The following PTPRN2 variants were observed in gnomAD, a reference collection of about 807,000 sequenced individuals.
PTPRN2 encodes receptor-type tyrosine-protein phosphatase N2.
PTPRN2 carries 74 observed loss-of-function variants against 118.8 expected under a neutral mutation model. The observed-to-expected ratio is 0.62, with a 90% CI of 0.52 to 0.76. The LOEUF (loss-of-function observed/expected upper bound fraction) is 0.76. Ranked by LOEUF, PTPRN2 falls within the 30% of genes least tolerant of loss-of-function variation. The pLI is 0.00. For missense variants in PTPRN2, 1,481 were observed against 1,394.4 expected (o/e 1.06, Z -0.99); for synonymous variants, 641 against 608.0 (o/e 1.05, Z -0.80).
intron 12 of PTPRN2, among the ~76,000 whole-genome samples, chr7:157,843,292 C>G (rs1808567772): frequency 6.6e-6 from 1 of 152,182 alleles, no homozygotes; most frequent in Non-Finnish European, 1.5e-5. Context: ...TAAAACTAAT[C>G]ATGCAATTAA....
At chr7:157,970,637 C>CA (rs1554503307) in intron 11 of PTPRN2, among the ~76,000 whole-genome samples, 2 of 23,404 alleles carry the variant, frequency 8.5e-5, no homozygotes, top group Non-Finnish European at 1.5e-4. Flanking sequence ...TCAGAGCGGA[C>CA]CCCCCCCCCC....
At chr7:158,230,970 G>C (rs1829127331) in intron 3 of PTPRN2, among the ~76,000 whole-genome samples, 1 of 152,138 alleles carries the variant, frequency 6.6e-6, no homozygotes, top group Admixed American at 6.6e-5. Flanking sequence ...GAAAGGAATA[G>C]AAAAATATAT....
At chr7:158,292,766 T>C (rs1211997500) in intron 3 of PTPRN2, among the ~76,000 whole-genome samples, 1 of 152,126 alleles carries the variant, frequency 6.6e-6, no homozygotes, top group African/African-American at 2.4e-5. Context: ...AGTAAAAATA[T>C]GGTATAAAAG....
At chr7:157,589,477 A>C (rs1055273262) in intron 17 of PTPRN2, among the ~76,000 whole-genome samples, 35 of 152,196 alleles carry the variant, frequency 2.3e-4, no homozygotes, top group African/African-American at 3.6e-4. Context: ...GAGAAAGGCT[A>C]TCTGACAGGT....
chr7:158,165,010 C>T (rs1252273485), intron 6 of PTPRN2, among the ~76,000 whole-genome samples: 3 of 152,178 alleles, frequency 2.0e-5, no homozygotes, highest in Non-Finnish European at 2.9e-5. Context: ...TACGAGAGTG[C>T]AGGAGGCAGT....
chr7:157,710,664 C>T (rs1313732825), intron 12 of PTPRN2, among the ~76,000 whole-genome samples: 1 of 152,186 alleles, frequency 6.6e-6, no homozygotes, highest in Non-Finnish European at 1.5e-5. Flanking sequence ...TCTTTAGGGT[C>T]CCTTTCAGCC....
chr7:158,110,847 C>G lies in PTPRN2; in HGVS notation c.1625G>C (p.Ser542Thr). The change falls in exon 10 of 23, where the codon AGT becomes ACT. Residue 542 changes from serine (S) to threonine (T), a missense_variant. Physicochemically the swap from Ser to Thr is moderately conservative, Grantham distance 58. Transcript: ENST00000389418. ...DVARLLQVPS[S>T]AFADVEVLGP... is the part of the protein sequence containing the mutation. ...TACTTACTCCACGTCAGCGAACGCA[C>G]TGCTGGGCACCTGCAGGAGGCGGGC... The G allele has an allele frequency of 6.3e-7, 1 of 1,589,172 alleles. No individual in the cohort carries two copies. The highest frequency in any genetic ancestry group is 8.6e-7 in the Non-Finnish European group (1 of 1,167,340).
chr7:157,890,559 G>A (rs79575868), intron 12 of PTPRN2, among the ~76,000 whole-genome samples: 18,398 of 152,228 alleles, frequency 0.12, 1,148 homozygotes, highest in East Asian at 0.19. Flanking sequence ...GGAGAATGGC[G>A]TGAACCTGGG....
At chr7:158,330,859 G>GTC (rs1563150403) in intron 2 of PTPRN2, among the ~76,000 whole-genome samples, 4 of 100,168 alleles carry the variant, frequency 4.0e-5, no homozygotes, top group African/African-American at 1.1e-4. Flanking sequence ...CATAAGAGCT[G>GTC]ATGCCCGCAG....
intron 12 of PTPRN2, among the ~76,000 whole-genome samples, chr7:157,807,307 G>A (rs965072427): frequency 3.9e-5 from 6 of 152,172 alleles, no homozygotes; most frequent in African/African-American, 7.2e-5. Flanking sequence ...AGGAAATCCC[G>A]GCCCATTGGA....
At chr7:157,971,600 T>C (rs1802336526) in intron 11 of PTPRN2, among the ~76,000 whole-genome samples, 1 of 152,216 alleles carries the variant, frequency 6.6e-6, no homozygotes, top group African/African-American at 2.4e-5. Context: ...CTGAAGCATC[T>C]TGTAAAACTG....
chr7:157,843,191 G>A (rs1808561019), intron 12 of PTPRN2, among the ~76,000 whole-genome samples: 1 of 152,210 alleles, frequency 6.6e-6, no homozygotes, highest in South Asian at 2.1e-4. Context: ...GAGAACCCCT[G>A]CTAGGTGAGA....
rs557617528 is a variant in PTPRN2 at position 158,332,048 on chromosome 7, A to G, written c.164-15116T>C. ...TCACTGACACCCACACTCTAACGAT[A>G]AGAGGTGACATCTGCAGACGACACT... On this transcript the variant is annotated intron_variant, in intron 2 of 22. Coordinates refer to ENST00000389418, the MANE Select transcript of PTPRN2 (RefSeq NM_002847.5). Among the ~76,000 whole-genome samples the G allele has an allele frequency of 1.1e-3, 171 of 150,796 alleles. 14 individuals are homozygous for G. Among genetic ancestry groups the G allele is most frequent in the African/African-American group, 4.0e-3 (161 of 40,266 alleles).
intron 11 of PTPRN2, among the ~76,000 whole-genome samples, chr7:157,928,529 G>C (rs1799161239): frequency 6.6e-6 from 1 of 152,066 alleles, no homozygotes; most frequent in South Asian, 2.1e-4. Context: ...AAAGGAACTG[G>C]CTGCCTGAAC....
Position 158,467,937 on chromosome 7 carries a change from G to A in PTPRN2, c.163+21798C>T, listed in dbSNP as rs531720850. On this transcript the variant is annotated intron_variant, in intron 2 of 22. Transcript: ENST00000389418. Reference sequence around the variant, plus strand: ...AGCTGTTCAAATTCTTGCTTTCACCGCCACCCATTTACCCTGTGCTACTTT... The same window carrying A: ...AGCTGTTCAAATTCTTGCTTTCACCACCACCCATTTACCCTGTGCTACTTT... Among the ~76,000 whole-genome samples, 6 of 152,236 alleles carry A rather than the reference G, an allele frequency of 3.9e-5. 1 individual carries two copies. The highest frequency in any genetic ancestry group is 4.2e-4 in the South Asian group (2 of 4,804).
chr7:158,326,490 C>T (rs979777502), intron 2 of PTPRN2, among the ~76,000 whole-genome samples: 6 of 152,222 alleles, frequency 3.9e-5, no homozygotes, highest in African/African-American at 1.2e-4. Flanking sequence ...CATACACAGA[C>T]ATTCACAGCA....
Position 158,136,648 on chromosome 7 carries a change from A to C in PTPRN2, c.1173+7T>G. On this transcript the variant is annotated splice_region_variant and intron_variant, in intron 8 of 22. Transcript: ENST00000389418. ...ACATGAAACAAACACCAGAGACGTC[A>C]TCTTACCTCTTGGTAAAGTCTATCA... 1 of 1,612,628 alleles carries C rather than the reference A, an allele frequency of 6.2e-7. No homozygotes were observed. Among genetic ancestry groups the C allele is most frequent in the South Asian group, 1.1e-5 (1 of 91,036 alleles).
In PTPRN2 at chr7:157,587,686, G is replaced by A. The variant is rs1217000567; in HGVS notation, c.2496+7552C>T. Among the ~76,000 whole-genome samples the A allele has an allele frequency of 6.6e-6, 1 of 152,228 alleles. No homozygotes were observed. Among genetic ancestry groups the A allele is most frequent in the Non-Finnish European group, 1.5e-5 (1 of 68,036 alleles). On this transcript the variant is annotated intron_variant, in intron 17 of 22. Coordinates refer to ENST00000389418, the MANE Select transcript of PTPRN2 (RefSeq NM_002847.5). The surrounding 1 kb of genome is among the most constrained non-coding windows in gnomAD (Gnocchi z 5.3). ...CAGTGGGACACCTGCTGACTTCAGC[G>A]AGCGCTTTGTGCTCTCTCTGGGGGC...
chr7:157,564,678 A>T (rs184060431), intron 21 of PTPRN2, among the ~76,000 whole-genome samples: 1 of 152,396 alleles, frequency 6.6e-6, no homozygotes, highest in African/African-American at 2.4e-5. Context: ...ATAAGCCATT[A>T]AAAGATGTTC....
Sources: gnomAD v4.1 joint callset for allele counts (sites outside exome capture counted in the v4.1 genomes callset) on GRCh38, gnomAD v4.1.1 for gene constraint, Gnocchi (gnomAD v3.1) non-coding constraint, MANE v1.5 for transcripts, NCBI Gene and HGNC (gene_info 2026-07-23, HGNC 2026-07-21) for gene names.